Variants in ANKS6 observed in about 807,000 individuals in gnomAD.
The protein encoded by ANKS6 is ankyrin repeat and SAM domain-containing protein 6.
In ANKS6, 47 loss-of-function variants were observed where a neutral mutation model predicts 77.9. The ratio of observed to expected loss-of-function variants is 0.60; its 90% CI spans 0.48 to 0.77. The LOEUF (loss-of-function observed/expected upper bound fraction) is 0.77, where lower values mean the gene tolerates loss of function less well. Ranked by LOEUF, ANKS6 falls within the 30% of genes least tolerant of loss-of-function variation. The pLI, the probability that ANKS6 is intolerant of heterozygous loss-of-function variation, is 0.00. For missense variants in ANKS6, 1,150 were observed against 1,159.1 expected, an observed-to-expected ratio of 0.99 and a Z score of 0.11; for synonymous variants, 488 against 501.7, an observed-to-expected ratio of 0.97 and a Z score of 0.37.
intron 13 of ANKS6, among the ~76,000 whole-genome samples, chr9:98,748,355 T>C (rs1281416597): frequency 6.6e-6 from 1 of 152,218 alleles, no homozygotes; most frequent in Non-Finnish European, 1.5e-5. Context: ...GTAGCAGGAA[T>C]AAGGCAGAAA....
Position 98,734,320 on chromosome 9 carries a change from C to A in ANKS6, c.*2199G>T, listed in dbSNP as rs182975400. On this transcript the variant is annotated 3_prime_UTR_variant, in exon 15 of 15. Coordinates refer to ENST00000353234, the MANE Select transcript of ANKS6 (RefSeq NM_173551.5). ...CATCCAATGAGTTCATGGAGGTCTACATTTGTGAAAAGGTGACCCCCCGGT... is the reference window on the plus strand; with the variant it reads ...CATCCAATGAGTTCATGGAGGTCTAAATTTGTGAAAAGGTGACCCCCCGGT... 1 of 985,366 alleles carries A rather than the reference C, an allele frequency of 1.0e-6. No individual in the cohort carries two copies. Among genetic ancestry groups the A allele is most frequent in the African/African-American group, 1.7e-5 (1 of 57,230 alleles). 61.0% of individuals were successfully genotyped at this position (985,366 alleles called of 1,614,324 possible).
intron 8 of ANKS6, among the ~76,000 whole-genome samples, chr9:98,776,162 G>A (rs1205410705): frequency 6.6e-6 from 1 of 152,136 alleles, no homozygotes; most frequent in Non-Finnish European, 1.5e-5. Flanking sequence ...TCACACCACG[G>A]AGCTTATTCT....
intron 7 of ANKS6, 151 bp from the exon 8 acceptor site, chr9:98,777,605 G>T: frequency 1.4e-6 from 1 of 718,786 alleles, no homozygotes; most frequent in South Asian, 1.9e-5. Flanking sequence ...TTAATAGAAG[G>T]AAGGCATTTA....
intron 14 of ANKS6, among the ~76,000 whole-genome samples, chr9:98,743,619 T>C (rs1472744835): frequency 2.0e-5 from 3 of 152,242 alleles, no homozygotes; most frequent in Non-Finnish European, 4.4e-5. Context: ...TGCCTCTCCT[T>C]TATGTGCTGT....
chr9:98,739,758 A>ATATTTTTTTTTTTT (rs1831712516), intron 14 of ANKS6, among the ~76,000 whole-genome samples: 2 of 88,860 alleles, frequency 2.3e-5, no homozygotes, highest in East Asian at 5.9e-4. Flanking sequence ...TGGATTAAAC[A>ATATTTTTTTTTTTT]TTTTTTTTTT....
Position 98,778,234 on chromosome 9 carries a change from T to G in ANKS6, c.1559A>C (p.Lys520Thr). ...ATGCAGACTTTTCTCACCATTGTCT[T>G]TGGTCACAGGGGCCGCATCAGGGAG... Reference protein sequence around the residue: ...SALPDAAPVTKDNGPGSTRGE... With the variant: ...SALPDAAPVTTDNGPGSTRGE... Residue 520 changes from lysine to threonine, a missense_variant, in exon 7 of 15, where the codon AAA becomes ACA. Lys to Thr is a moderately conservative substitution (Grantham distance 78). Transcript: ENST00000353234. 1.2e-6 allele frequency: 2 copies of G among 1,614,102 alleles called. No individual in the cohort carries two copies. Among genetic ancestry groups the G allele is most frequent in the South Asian group, 2.2e-5 (2 of 91,062 alleles).
rs1442692463 is a variant in ANKS6, at chr9:98,791,607, A to C, written c.360-1001T>G. Among the ~76,000 whole-genome samples, 1 of 152,146 alleles carries C rather than the reference A, an allele frequency of 6.6e-6. No individual in the cohort carries two copies. Among genetic ancestry groups the C allele is most frequent in the Non-Finnish European group, 1.5e-5 (1 of 68,026 alleles). ...TGGAAGCGGCCCTGGACTAACAAGAAAACAATGACAAGACAGGGGCTGTCT... is the reference window on the plus strand; with the variant it reads ...TGGAAGCGGCCCTGGACTAACAAGACAACAATGACAAGACAGGGGCTGTCT... On this transcript the variant is annotated intron_variant, in intron 1 of 14. Coordinates refer to ENST00000353234, the MANE Select transcript of ANKS6 (RefSeq NM_173551.5). This position sits in a 1 kb window ranked among gnomAD's most constrained non-coding sequence, Gnocchi z 4.3.
rs78732864 is a variant in ANKS6 at position 98,773,916 on chromosome 9, G to T, written c.1782C>A (p.Ala594=). 6.3e-6 allele frequency: 10 copies of T among 1,591,084 alleles called. No individual in the cohort carries two copies. The highest frequency in any genetic ancestry group is 7.7e-6 in the Non-Finnish European group (9 of 1,172,122). Residue 594 remains alanine, a synonymous_variant, in exon 9 of 15, where the codon GCC becomes GCA. Coordinates refer to ENST00000353234, the MANE Select transcript of ANKS6 (RefSeq NM_173551.5). ...CGCCGCCCACGGGGTGGCCCCTGCT[G>T]GCTCTCTGGGGCAGCGCAGTCTTCA... is the stretch of plus-strand genomic sequence containing the variant. ...DPMKTALPQR[A]SRGHPVGGGG...
At position 98,796,430 on chromosome 9, in the gene ANKS6, T is replaced by C; in HGVS notation, c.62A>G (p.Asp21Gly). The change falls in exon 1 of 15, where the codon GAC becomes GGC. Residue 21 changes from aspartate to glycine, a missense_variant. By Grantham distance (94) the Asp-to-Gly change is moderately conservative. Coordinates refer to ENST00000353234, the MANE Select transcript of ANKS6 (RefSeq NM_173551.5). ...CAGCAGCCGCCGCGCCGTCTCCGTG[T>C]CGCCCTGGTCACACGCGCGCAGCAG... ...QLLLRACDQGDTETARRLLEP... is the reference protein window; with the variant it reads ...QLLLRACDQGGTETARRLLEP... 2 of 995,068 alleles carry C rather than the reference T, an allele frequency of 2.0e-6. No homozygotes were observed. Among genetic ancestry groups the C allele is most frequent in the Non-Finnish European group, 2.4e-6 (2 of 838,378 alleles). The allele number at this position is 995,068 out of a possible 1,614,324, so 61.6% of individuals were successfully genotyped here. A position where few individuals can be genotyped will look rare whatever the true frequency, so the allele number is the denominator to read the frequency against.
At chr9:98,779,941 C>A (rs771022321) in intron 6 of ANKS6, among the ~76,000 whole-genome samples, 1 of 152,046 alleles carries the variant, frequency 6.6e-6, no homozygotes, top group Non-Finnish European at 1.5e-5. Flanking sequence ...GGATTACAGG[C>A]GTGAGCCACC....
At position 98,732,450 on chromosome 9, in the gene ANKS6, G is replaced by C; in HGVS notation, c.*4069C>G. Reference sequence around the variant, plus strand: ...GGCACATTTGGAGGGCAGGTCCATCGGCCACTCCTCACTTCTGTGGGCTCC... The same window carrying C: ...GGCACATTTGGAGGGCAGGTCCATCCGCCACTCCTCACTTCTGTGGGCTCC... On this transcript the variant is annotated 3_prime_UTR_variant, in exon 15 of 15. Coordinates refer to ENST00000353234, the MANE Select transcript of ANKS6 (RefSeq NM_173551.5). 1 of 1,535,898 alleles carries C rather than the reference G, an allele frequency of 6.5e-7. No homozygotes were observed. Among genetic ancestry groups the C allele is most frequent in the Non-Finnish European group, 8.8e-7 (1 of 1,134,584 alleles).
At chr9:98,749,357 T>G (rs1319450828) in intron 13 of ANKS6, among the ~76,000 whole-genome samples, 1 of 152,170 alleles carries the variant, frequency 6.6e-6, no homozygotes, top group African/African-American at 2.4e-5. Flanking sequence ...CAGAAACTTC[T>G]AGGTGGGTGA....
intron 13 of ANKS6, among the ~76,000 whole-genome samples, chr9:98,747,118 G>C (rs1832176861): frequency 6.6e-6 from 1 of 152,238 alleles, no homozygotes; most frequent in African/African-American, 2.4e-5. Context: ...ACAGCTTTAT[G>C]ATCTACATTT....
At chr9:98,757,049 T>C (rs1388929546) in intron 11 of ANKS6, among the ~76,000 whole-genome samples, 2 of 152,234 alleles carry the variant, frequency 1.3e-5, no homozygotes, top group Non-Finnish European at 2.9e-5. Context: ...TATTCTTCCC[T>C]TTTTCTCATT....
intron 11 of ANKS6, among the ~76,000 whole-genome samples, chr9:98,758,732 C>T (rs1832851430): frequency 6.6e-6 from 1 of 152,176 alleles, no homozygotes; most frequent in African/African-American, 2.4e-5. Context: ...AGCATTTTTC[C>T]TTTGATTCTG....
In ANKS6 at chr9:98,745,692, G is replaced by T. The variant is rs558923254; in HGVS notation, c.2395-17C>A. 6.3e-7 allele frequency: 1 copy of T among 1,595,072 alleles called. No homozygotes were observed. The highest frequency in any genetic ancestry group is 8.6e-7 in the Non-Finnish European group (1 of 1,162,760). ...CATGTCCACCTGGGGAGAGAGAGGG[G>T]ATTTGCCACCATCTGCTGGATGCCA... On this transcript the variant is annotated splice_polypyrimidine_tract_variant and intron_variant, in intron 13 of 14. Transcript: ENST00000353234.
At position 98,736,503 on chromosome 9, in the gene ANKS6, G is replaced by A; in HGVS notation, c.*16C>T. 6.3e-7 allele frequency: 1 copy of A among 1,598,218 alleles called. No homozygotes were observed. The highest frequency in any genetic ancestry group is 8.5e-7 in the Non-Finnish European group (1 of 1,170,204). ...GGGATTCAGAGAGCTCACGCTGGTG[G>A]CTGCGGGAAGGAGGATCACGCACAG... On this transcript the variant is annotated 3_prime_UTR_variant, in exon 15 of 15. Coordinates refer to ENST00000353234, the MANE Select transcript of ANKS6 (RefSeq NM_173551.5).
rs548317122 is a variant in ANKS6 at position 98,746,864 on chromosome 9, T to A, written c.2395-1189A>T. On this transcript the variant is annotated intron_variant, in intron 13 of 14. Transcript: ENST00000353234. ...GCAGACAATGCTACAGCTTCACAAA[T>A]CAGACTCCAACAACAGCGCTTATCT... is the stretch of plus-strand genomic sequence containing the variant. Among the ~76,000 whole-genome samples the A allele has an allele frequency of 3.3e-5, 5 of 152,276 alleles. No individual in the cohort carries two copies. The East Asian group carries it at 9.7e-4, about 29-fold the overall frequency.
At chr9:98,780,140 C>T in intron 6 of ANKS6, 49 bp downstream of exon 6, 5 of 1,606,838 alleles carry the variant, frequency 3.1e-6, no homozygotes, top group Middle Eastern at 2.2e-4. Flanking sequence ...TCCCCGCCAG[C>T]CCCCATCTCC....
Sources: allele counts gnomAD v4.1 joint callset (sites outside exome capture counted in the v4.1 genomes callset), GRCh38; gene constraint gnomAD v4.1.1; non-coding constraint Gnocchi (gnomAD v3.1); transcripts MANE v1.5; gene names NCBI Gene and HGNC (gene_info 2026-07-23, HGNC 2026-07-21).